The following NPAS3 variants were observed in gnomAD, a reference collection of about 807,000 sequenced individuals.
The protein encoded by NPAS3 is neuronal PAS domain protein 3.
NPAS3 carries 14 observed loss-of-function variants against 73.1 expected under a neutral mutation model. The observed-to-expected ratio is 0.19, with a 90% CI of 0.13 to 0.30. NPAS3 has a LOEUF of 0.30. Among genes scored for constraint, NPAS3 ranks in the 10% least tolerant of loss-of-function variants. NPAS3 has a pLI of 1.00. For synonymous variants in NPAS3, 620 were observed against 541.5 expected (o/e 1.14, Z -2.01); for missense variants, 1,096 against 1,250.0 (o/e 0.88, Z 1.86).
chr14:33,310,065 A>G (rs745401072), intron 3 of NPAS3, among the ~76,000 whole-genome samples: 26 of 152,338 alleles, frequency 1.7e-4, no homozygotes, highest in African/African-American at 6.3e-4. Context: ...TAAAATGTAT[A>G]GAAACATGGC....
At chr14:33,322,572 C>CT in intron 3 of NPAS3, among the ~76,000 whole-genome samples, 1 of 151,630 alleles carries the variant, frequency 6.6e-6, no homozygotes, top group East Asian at 1.9e-4. Context: ...TTAAAGAAGT[C>CT]TTTTTGTCAT....
chr14:33,050,735 C>T (rs899886734), intron 1 of NPAS3, among the ~76,000 whole-genome samples: 7 of 152,188 alleles, frequency 4.6e-5, no homozygotes, highest in African/African-American at 1.4e-4. Context: ...AAACACATTT[C>T]GAATGAAATC....
chr14:33,173,940 A>G (rs1402739459), intron 2 of NPAS3, among the ~76,000 whole-genome samples: 8 of 152,226 alleles, frequency 5.3e-5, no homozygotes, highest in Non-Finnish European at 2.9e-5. Context: ...AATGGACAGA[A>G]ATTAGTTACA....
chr14:33,127,336 T>A (rs1297789001), intron 2 of NPAS3, among the ~76,000 whole-genome samples: 1 of 152,160 alleles, frequency 6.6e-6, no homozygotes, highest in Non-Finnish European at 1.5e-5. Context: ...TAATTATGAG[T>A]TTGTGTAGAA....
At chr14:33,104,593 C>T (rs1355809252) in intron 2 of NPAS3, among the ~76,000 whole-genome samples, 1 of 152,162 alleles carries the variant, frequency 6.6e-6, no homozygotes, top group Non-Finnish European at 1.5e-5. Flanking sequence ...CAAAATGGAA[C>T]ATTAGTGGCT....
chr14:33,785,766 A>C (rs1228803486), intron 9 of NPAS3, among the ~76,000 whole-genome samples: 1 of 152,118 alleles, frequency 6.6e-6, no homozygotes, highest in Non-Finnish European at 1.5e-5. Context: ...GGCTTCCTAG[A>C]ACTTTTGGTG....
At chr14:33,471,972 T>G (rs1399953087) in intron 4 of NPAS3, among the ~76,000 whole-genome samples, 1 of 152,238 alleles carries the variant, frequency 6.6e-6, no homozygotes, top group Admixed American at 6.5e-5. Flanking sequence ...ATGTGAGGGA[T>G]CTAGGTTGCA....
chr14:33,641,911 G>A (rs576554081), intron 5 of NPAS3, among the ~76,000 whole-genome samples: 3 of 152,126 alleles, frequency 2.0e-5, no homozygotes, highest in South Asian at 4.2e-4. Flanking sequence ...ATATTGTCTT[G>A]CAGAAAGTTT....
intron 4 of NPAS3, among the ~76,000 whole-genome samples, chr14:33,558,468 C>T (rs2055470578): frequency 6.6e-6 from 1 of 152,046 alleles, no homozygotes; most frequent in Non-Finnish European, 1.5e-5. Context: ...CCATGTTGGC[C>T]ATGCTGGTCT....
intron 4 of NPAS3, among the ~76,000 whole-genome samples, chr14:33,423,916 T>G (rs1278704783): frequency 6.6e-6 from 1 of 151,964 alleles, no homozygotes; most frequent in Non-Finnish European, 1.5e-5. Context: ...TCCCTCCATT[T>G]TTTCCTTCTT....
intron 3 of NPAS3, among the ~76,000 whole-genome samples, chr14:33,271,423 G>A (rs1300727234): frequency 2.6e-5 from 4 of 151,542 alleles, no homozygotes; most frequent in African/African-American, 9.7e-5. Context: ...TGGGGAAGAA[G>A]GATTCTGATT....
At chr14:33,156,807 G>C (rs915047553) in intron 2 of NPAS3, among the ~76,000 whole-genome samples, 1 of 152,094 alleles carries the variant, frequency 6.6e-6, no homozygotes, top group African/African-American at 2.4e-5. Flanking sequence ...AAGTCACAGT[G>C]CACTTAGCAT....
chr14:33,044,057 G>A (rs960749273), intron 1 of NPAS3, among the ~76,000 whole-genome samples: 8 of 152,152 alleles, frequency 5.3e-5, no homozygotes, highest in Non-Finnish European at 1.2e-4. Flanking sequence ...TCAAACCAAT[G>A]TTAGTATCAC....
chr14:33,717,713 C>T (rs2060995623), intron 6 of NPAS3, among the ~76,000 whole-genome samples: 2 of 151,978 alleles, frequency 1.3e-5, no homozygotes, highest in Non-Finnish European at 2.9e-5. Flanking sequence ...ATCTAGATTC[C>T]GTTTAGGCCA....
At chr14:33,683,754 G>A (rs1763354835) in intron 6 of NPAS3, among the ~76,000 whole-genome samples, 1 of 152,136 alleles carries the variant, frequency 6.6e-6, no homozygotes, top group African/African-American at 2.4e-5. Context: ...GGAAAATACT[G>A]GAAATATTGC....
rs55885070 is a variant in NPAS3, at chr14:33,582,970, G to GTTTTTTTTTTTTTTTTTTTT, written c.558+22776_558+22777insTTTTTTTTTTTTTTTTTTTT. 2.2e-3 allele frequency among the ~76,000 whole-genome samples: 209 copies of GTTTTTTTTTTTTTTTTTTTT among 93,194 alleles called. 14 individuals carry two copies. Among genetic ancestry groups the GTTTTTTTTTTTTTTTTTTTT allele is most frequent in the African/African-American group, 6.8e-3 (87 of 12,758 alleles). 61.1% of individuals were successfully genotyped at this position (93,194 alleles called of 152,430 possible). ...TCCTTTGGACCTAGATATTTAAAGG[G>GTTTTTTTTTTTTTTTTTTTT]TTTTTTTTTTTTTTTTGGCTACTGG... On this transcript the variant is annotated intron_variant, in intron 5 of 11. Coordinates refer to ENST00000356141, the Ensembl canonical transcript of NPAS3.
At position 33,599,765 on chromosome 14, in the gene NPAS3, G is replaced by A. The variant is rs562161384; in HGVS notation, c.558+39555G>A. On this transcript the variant is annotated intron_variant, in intron 5 of 11. Coordinates refer to ENST00000356141, the Ensembl canonical transcript of NPAS3. ...ATCTTGACTTAGATTTGGGAAGCTCGTTCAGGAGGGCTTACTTCTGTTTTC... is the reference window on the plus strand; with the variant it reads ...ATCTTGACTTAGATTTGGGAAGCTCATTCAGGAGGGCTTACTTCTGTTTTC... 5.3e-5 allele frequency among the ~76,000 whole-genome samples: 8 copies of A among 152,258 alleles called. No individual in the cohort carries two copies. In the East Asian group the frequency reaches 1.3e-3, roughly 26 times the overall value.
At chr14:33,057,198 A>G (rs2040920765) in intron 2 of NPAS3, among the ~76,000 whole-genome samples, 1 of 152,212 alleles carries the variant, frequency 6.6e-6, no homozygotes, top group Non-Finnish European at 1.5e-5. Flanking sequence ...TATCTTTACT[A>G]TATACATGTA....
chr14:33,381,170 AT>A (rs2046534833), intron 4 of NPAS3, among the ~76,000 whole-genome samples: 1 of 152,212 alleles, frequency 6.6e-6, no homozygotes, highest in African/African-American at 2.4e-5. Flanking sequence ...CTCAGTAACT[AT>A]TTAATAATGC....
Sources: allele counts gnomAD v4.1 joint callset (sites outside exome capture counted in the v4.1 genomes callset), GRCh38; gene constraint gnomAD v4.1.1; transcripts MANE v1.5; gene names NCBI Gene and HGNC (gene_info 2026-07-23, HGNC 2026-07-21).